CBLB: variants seen among roughly 807,000 people sequenced by gnomAD.
The protein encoded by CBLB is Cbl proto-oncogene B.
Under a neutral mutation model 104.9 loss-of-function variants are expected in CBLB, and 31 were observed. The observed-to-expected ratio is 0.30, with a 90% CI of 0.22 to 0.40. The LOEUF (loss-of-function observed/expected upper bound fraction) is 0.40. CBLB is among the 10% of genes least tolerant of loss of function. The pLI, the probability that CBLB is intolerant of heterozygous loss-of-function variation, is 1.00. For missense variants in CBLB, 1,062 were observed against 1,214.6 expected (o/e 0.87, Z 1.87); for synonymous variants, 440 against 422.6 (o/e 1.04, Z -0.51).
Position 105,694,822 on chromosome 3 carries a change from A to C in CBLB, c.1960-1234T>G, listed in dbSNP as rs2068128975. On this transcript the variant is annotated intron_variant, in intron 12 of 18. Transcript: ENST00000394030. ...ATATACTGTAGCCATACCATGACAA[A>C]ATATTACCTTTAAATACAATGATTT... 2.0e-5 allele frequency among the ~76,000 whole-genome samples: 3 copies of C among 151,892 alleles called. No homozygotes were observed. In the South Asian group the frequency reaches 6.2e-4, roughly 32 times the overall value.
chr3:105,735,359 A>G (rs2152863575), intron 8 of CBLB, among the ~76,000 whole-genome samples: 1 of 152,318 alleles, frequency 6.6e-6, no homozygotes, highest in East Asian at 1.9e-4. Context: ...TAAGTTATAA[A>G]TTGCTGATGT....
At chr3:105,868,692 G>A (rs1180311182) in intron 1 of CBLB, 44 bp downstream of exon 1, 2 of 999,156 alleles carry the variant, frequency 2.0e-6, no homozygotes, top group Admixed American at 1.2e-4. Context: ...CCCCCGGGCC[G>A]GCAAGAAGTG....
intron 17 of CBLB, among the ~76,000 whole-genome samples, 164 bp downstream of exon 17, chr3:105,678,267 A>G (rs1275340139): frequency 6.6e-6 from 1 of 152,188 alleles, no homozygotes; most frequent in East Asian, 1.9e-4. Context: ...AAACCAATCA[A>G]CTGACAAACA....
chr3:105,752,122 G>GT (rs2076646203), intron 4 of CBLB, among the ~76,000 whole-genome samples: 1 of 152,118 alleles, frequency 6.6e-6, no homozygotes, highest in South Asian at 2.1e-4. Flanking sequence ...CAACCCTGAT[G>GT]TTTTCTGCAG....
chr3:105,851,993 G>C (rs898424819), intron 3 of CBLB, among the ~76,000 whole-genome samples: 3 of 152,096 alleles, frequency 2.0e-5, no homozygotes, highest in Non-Finnish European at 4.4e-5. Context: ...TAAAAGCATA[G>C]CACATACAAT....
chr3:105,681,827 C>T lies in CBLB; in HGVS notation c.2202-9G>A. 3 of 1,514,480 alleles carry T rather than the reference C, an allele frequency of 2.0e-6. No homozygotes were observed. The highest frequency in any genetic ancestry group is 1.8e-6 in the Non-Finnish European group (2 of 1,090,424). The allele number at this position is 1,514,480 out of a possible 1,614,324, so 93.8% of individuals were successfully genotyped here. A position where few individuals can be genotyped will look rare whatever the true frequency, so the allele number is the denominator to read the frequency against. On this transcript the variant is annotated splice_polypyrimidine_tract_variant and intron_variant, in intron 14 of 18. Transcript: ENST00000394030. ...GACCATTATCACAAGACCTAAAGGA[C>T]AGTTCAGAGTAAAATTATATAAGGA...
upstream of CBLB, chr3:105,869,311 G>C: frequency 8.7e-7 from 1 of 1,146,038 alleles, no homozygotes; most frequent in South Asian, 1.3e-5. Context: ...AATGGACGAA[G>C]GGATGCAAGG....
At chr3:105,681,916 A>G (rs1364281969) in intron 14 of CBLB, 98 bp from the exon 15 acceptor site, 2 of 748,442 alleles carry the variant, frequency 2.7e-6, no homozygotes, top group East Asian at 2.6e-5. Context: ...TTTATTTAAT[A>G]AAGTTTGAAC....
chr3:105,680,105 TAA>T (rs1358409200), intron 16 of CBLB, among the ~76,000 whole-genome samples: 1 of 152,092 alleles, frequency 6.6e-6, no homozygotes, highest in East Asian at 1.9e-4. Flanking sequence ...ATTGGTCCCA[TAA>T]AAGAGACATA....
chr3:105,746,890 T>C (rs1375199616), intron 5 of CBLB, among the ~76,000 whole-genome samples: 14 of 152,220 alleles, frequency 9.2e-5, no homozygotes, highest in Non-Finnish European at 1.0e-4. Flanking sequence ...ATAATTGTCA[T>C]TGAACAGATA....
At chr3:105,813,302 A>G (rs1240903096) in intron 3 of CBLB, among the ~76,000 whole-genome samples, 1 of 152,188 alleles carries the variant, frequency 6.6e-6, no homozygotes, top group Non-Finnish European at 1.5e-5. Flanking sequence ...ACAGAGGAAA[A>G]TATTTTAAGA....
At chr3:105,783,963 A>G (rs779025315) in intron 3 of CBLB, among the ~76,000 whole-genome samples, 2 of 152,236 alleles carry the variant, frequency 1.3e-5, no homozygotes, top group Non-Finnish European at 2.9e-5. Flanking sequence ...GATTTTTTTA[A>G]TGTCAGTTAT....
rs3772537 is a variant in CBLB, at chr3:105,688,452, C to T, written c.2055-2986G>A. ...TGCACACTTGAAACAAACCAAGAAA[C>T]AAGTGAATTTTCACGCCAGCACAGG... On this transcript the variant is annotated intron_variant, in intron 13 of 18. Coordinates refer to ENST00000394030, the MANE Select transcript of CBLB (RefSeq NM_170662.5). 2.0e-4 allele frequency among the ~76,000 whole-genome samples: 31 copies of T among 151,864 alleles called. No homozygotes were observed. In the East Asian group the frequency reaches 4.7e-3, roughly 23 times the overall value.
intron 3 of CBLB, among the ~76,000 whole-genome samples, chr3:105,812,954 C>T (rs2084504176): frequency 6.6e-6 from 1 of 152,006 alleles, no homozygotes; most frequent in Non-Finnish European, 1.5e-5. Context: ...TAAAATCATC[C>T]TCAGCCCTAT....
Position 105,658,657 on chromosome 3 carries a change from G to A in CBLB, c.*313C>T. 1 of 423,628 alleles carries A rather than the reference G, an allele frequency of 2.4e-6. No individual in the cohort carries two copies. Among genetic ancestry groups the A allele is most frequent in the Non-Finnish European group, 4.3e-6 (1 of 233,626 alleles). The allele number at this position is 423,628 out of a possible 1,614,324, so 26.2% of individuals were successfully genotyped here. On this transcript the variant is annotated 3_prime_UTR_variant, in exon 19 of 19. Coordinates refer to ENST00000394030, the MANE Select transcript of CBLB (RefSeq NM_170662.5). The stretch of plus-strand genomic sequence containing the variant: ...ACTAAACTAAAAACAAGAACAAACT[G>A]CAACTTTGCCAAACTGTAAACAAGG...
At chr3:105,742,386 C>A (rs1560046314) in intron 6 of CBLB, among the ~76,000 whole-genome samples, 1 of 151,914 alleles carries the variant, frequency 6.6e-6, no homozygotes, top group African/African-American at 2.4e-5. Flanking sequence ...CATCTTTGGA[C>A]AAACTAGAAT....
chr3:105,773,058 G>A (rs1201650272), intron 4 of CBLB, among the ~76,000 whole-genome samples: 2 of 152,148 alleles, frequency 1.3e-5, no homozygotes, highest in Non-Finnish European at 2.9e-5. Context: ...AGGAAAAGAA[G>A]TCATTATATG....
intron 3 of CBLB, among the ~76,000 whole-genome samples, chr3:105,850,864 G>T (rs1313083156): frequency 6.6e-6 from 1 of 152,116 alleles, no homozygotes; most frequent in Non-Finnish European, 1.5e-5. Context: ...CCAAATTCTG[G>T]TGTGGATGTG....
At position 105,720,078 on chromosome 3, in the gene CBLB, A is replaced by G. The variant is rs751845069; in HGVS notation, c.1376T>C (p.Leu459Ser). Residue 459 changes from leucine (L) to serine (S), a missense_variant, in exon 10 of 19, where the codon TTG becomes TCG. Leu to Ser is a moderately radical substitution (Grantham distance 145). Around this residue, in one of 2 missense-constraint regions of CBLB, gnomAD observed 457 missense variants for 632.0 expected, o/e 0.72. Transcript: ENST00000394030. ...GACGTTTGCCAACCGATTCATCATC[A>G]AGGACTCCTCACGATCATCATCGTC... is the stretch of plus-strand genomic sequence containing the variant. ...LDDDDDREES[L>S]MMNRLANVRK... 6.2e-7 allele frequency: 1 copy of G among 1,613,992 alleles called. No homozygotes were observed. Among genetic ancestry groups the G allele is most frequent in the Non-Finnish European group, 8.5e-7 (1 of 1,179,908 alleles).
Sources: gnomAD v4.1 joint callset for allele counts (sites outside exome capture counted in the v4.1 genomes callset) on GRCh38, gnomAD v4.1.1 for gene constraint, gnomAD v4.1.1 regional missense constraint, MANE v1.5 for transcripts, NCBI Gene and HGNC (gene_info 2026-07-23, HGNC 2026-07-21) for gene names.